The following ITPK1 variants were observed in gnomAD, a reference collection of about 807,000 sequenced individuals.
The protein encoded by ITPK1 is inositol 1,3,4-trisphosphate 5/6-kinase.
A neutral mutation model predicts 45.3 loss-of-function variants in ITPK1; 21 were observed. The observed-to-expected ratio is 0.46, with a 90% CI of 0.33 to 0.67. The LOEUF (loss-of-function observed/expected upper bound fraction) is 0.67, where lower values mean the gene tolerates loss of function less well. Ranked by LOEUF, ITPK1 falls within the 30% of genes least tolerant of loss-of-function variation. ITPK1 has a pLI of 0.02. For synonymous variants in ITPK1, 258 were observed against 253.6 expected, an observed-to-expected ratio of 1.02 and a Z score of -0.16; for missense variants, 474 against 573.5, an observed-to-expected ratio of 0.83 and a Z score of 1.77.
intron 3 of ITPK1, among the ~76,000 whole-genome samples, chr14:93,042,541 A>G (rs1256256467): frequency 1.3e-5 from 2 of 152,202 alleles, no homozygotes; most frequent in Admixed American, 6.5e-5. Flanking sequence ...GAACTGGGAC[A>G]AGGCAGAGCT....
At chr14:93,050,957 T>C (rs1889979110) in intron 3 of ITPK1, among the ~76,000 whole-genome samples, 1 of 152,138 alleles carries the variant, frequency 6.6e-6, no homozygotes, top group Non-Finnish European at 1.5e-5. Flanking sequence ...CCAAGACAGA[T>C]TCTGTCTTCC....
At chr14:92,972,089 C>G (rs1372936338) in intron 5 of ITPK1, among the ~76,000 whole-genome samples, 2 of 152,202 alleles carry the variant, frequency 1.3e-5, no homozygotes, top group Non-Finnish European at 2.9e-5. Flanking sequence ...ACAAGATCCT[C>G]TGCCCACAAA....
chr14:93,080,261 G>C (rs555388423), intron 2 of ITPK1, among the ~76,000 whole-genome samples: 1 of 152,274 alleles, frequency 6.6e-6, no homozygotes, highest in African/African-American at 2.4e-5. Flanking sequence ...ATCATGGCAG[G>C]GCCCCTGGTC....
Position 92,948,207 on chromosome 14 carries a change from G to A in ITPK1, c.739-1714C>T, listed in dbSNP as rs552503456. Among the ~76,000 whole-genome samples, 5 of 152,250 alleles carry A rather than the reference G, an allele frequency of 3.3e-5. No homozygotes were observed. In the South Asian group the frequency reaches 1.0e-3, roughly 32 times the overall value. ...ACATGAGGTGGGGGAAATGGGGAGT[G>A]AGTGCCGGTGGGCCCAGGGTTTTCT... On this transcript the variant is annotated intron_variant, in intron 9 of 10. Coordinates refer to ENST00000267615, the MANE Select transcript of ITPK1 (RefSeq NM_014216.6).
At position 92,986,296 on chromosome 14, in the gene ITPK1, T is replaced by C. The variant is rs1886480985; in HGVS notation, c.364+7584A>G. Among the ~76,000 whole-genome samples, 4 of 152,350 alleles carry C rather than the reference T, an allele frequency of 2.6e-5. No homozygotes were observed. In the South Asian group the frequency reaches 8.3e-4, roughly 32 times the overall value. ...GACCAATCTGACCAACAAGGAGGTT[T>C]TGAGTACCCATGTACCCTGCTTATA... On this transcript the variant is annotated intron_variant, in intron 5 of 10. Coordinates refer to ENST00000267615, the MANE Select transcript of ITPK1 (RefSeq NM_014216.6).
chr14:93,091,728 C>T (rs1412592264), intron 2 of ITPK1, among the ~76,000 whole-genome samples: 1 of 152,218 alleles, frequency 6.6e-6, no homozygotes, highest in Non-Finnish European at 1.5e-5. Flanking sequence ...CATTTAACCT[C>T]AGTCTTCAGG....
chr14:93,114,942 G>C, intron 2 of ITPK1, 127 bp downstream of exon 2: 2 of 524,038 alleles, frequency 3.8e-6, no homozygotes, highest in South Asian at 5.5e-5. Flanking sequence ...CAGTCTCCCC[G>C]CGCGCCGCTT....
At chr14:93,059,991 G>A (rs970679869) in intron 3 of ITPK1, among the ~76,000 whole-genome samples, 2 of 151,938 alleles carry the variant, frequency 1.3e-5, no homozygotes, top group African/African-American at 4.8e-5. Context: ...GCCGTAGAAC[G>A]CAGCATTCAA....
chr14:93,054,195 G>A (rs771110087), intron 3 of ITPK1, among the ~76,000 whole-genome samples: 50 of 152,218 alleles, frequency 3.3e-4, no homozygotes, highest in Non-Finnish European at 5.9e-4. Flanking sequence ...AGTCACCCAC[G>A]TGTAGCTGCT....
At chr14:92,975,889 G>T (rs931825561) in intron 5 of ITPK1, among the ~76,000 whole-genome samples, 4 of 152,134 alleles carry the variant, frequency 2.6e-5, no homozygotes, top group African/African-American at 9.7e-5. Flanking sequence ...TTGAATCATG[G>T]AGGCGGTTAC....
intron 4 of ITPK1, among the ~76,000 whole-genome samples, chr14:93,008,067 G>A (rs932343347): frequency 2.0e-5 from 3 of 152,198 alleles, no homozygotes; most frequent in Non-Finnish European, 4.4e-5. Flanking sequence ...CAGCTACTGC[G>A]GGTCCTTATG....
chr14:93,070,609 T>C (rs890813969), intron 3 of ITPK1: 1 of 152,284 alleles, frequency 6.6e-6, no homozygotes. Flanking sequence ...TTAGGATCTG[T>C]TGGGTAGATG....
chr14:93,016,043 TC>T lies in ITPK1; in HGVS notation c.246+632del, dbSNP rs1888158078. Reference sequence around the variant, plus strand: ...CTGAGCCGCTTTCTAGAGGACAGAATCACGTTCTTGTCCACAACAGAGAGAA... The same window carrying T: ...CTGAGCCGCTTTCTAGAGGACAGAATACGTTCTTGTCCACAACAGAGAGAA... On this transcript the variant is annotated intron_variant, in intron 4 of 10. Coordinates refer to ENST00000267615, the MANE Select transcript of ITPK1 (RefSeq NM_014216.6). This position sits in a 1 kb window ranked among gnomAD's most constrained non-coding sequence, Gnocchi z 5.0. 6.6e-6 allele frequency among the ~76,000 whole-genome samples: 1 copy of T among 152,170 alleles called. No homozygotes were observed. The highest frequency in any genetic ancestry group is 2.1e-4 in the South Asian group (1 of 4,834).
At chr14:93,023,471 C>A (rs1463315314) in intron 3 of ITPK1, among the ~76,000 whole-genome samples, 2 of 152,192 alleles carry the variant, frequency 1.3e-5, no homozygotes, top group Non-Finnish European at 2.9e-5. Context: ...GAATAACCCA[C>A]GGTTTTCAGC....
chr14:93,072,996 T>C (rs930674705), intron 3 of ITPK1, among the ~76,000 whole-genome samples: 3 of 152,260 alleles, frequency 2.0e-5, no homozygotes, highest in African/African-American at 7.2e-5. Flanking sequence ...GACTGGCCAC[T>C]GTACTTGACC....
intron 2 of ITPK1, among the ~76,000 whole-genome samples, chr14:93,094,548 C>T (rs1891990213): frequency 6.6e-6 from 1 of 152,288 alleles, no homozygotes; most frequent in Admixed American, 6.5e-5. Context: ...ACAGACTCCT[C>T]ATCTCCCCTC....
chr14:93,042,164 T>C (rs1388990107), intron 3 of ITPK1, among the ~76,000 whole-genome samples: 1 of 152,176 alleles, frequency 6.6e-6, no homozygotes, highest in Non-Finnish European at 1.5e-5. Flanking sequence ...AGAGAACAAA[T>C]GACTCAAGTG....
chr14:93,021,147 G>C (rs902195599), intron 3 of ITPK1, among the ~76,000 whole-genome samples: 2 of 152,074 alleles, frequency 1.3e-5, no homozygotes, highest in Non-Finnish European at 2.9e-5. Context: ...AAGGGTGAGA[G>C]GGCTGAAGTC....
chr14:93,002,375 G>A (rs1351872885), intron 4 of ITPK1, among the ~76,000 whole-genome samples: 2 of 152,234 alleles, frequency 1.3e-5, no homozygotes, highest in South Asian at 4.1e-4. Flanking sequence ...AACAAAGTAG[G>A]GCTCAAAGCA....
Sources: allele counts gnomAD v4.1 joint callset (sites outside exome capture counted in the v4.1 genomes callset), GRCh38; gene constraint gnomAD v4.1.1; non-coding constraint Gnocchi (gnomAD v3.1); transcripts MANE v1.5; gene names NCBI Gene and HGNC (gene_info 2026-07-23, HGNC 2026-07-21).